RIMS1: variants seen among roughly 807,000 people sequenced by gnomAD.
RIMS1 encodes the protein regulating synaptic membrane exocytosis protein 1.
RIMS1 carries 83 observed loss-of-function variants against 214.1 expected under a neutral mutation model. The observed-to-expected ratio is 0.39, with a 90% CI of 0.32 to 0.47. The LOEUF is 0.47. Ranked by LOEUF, RIMS1 falls within the 20% of genes least tolerant of loss-of-function variation. The probability of loss-of-function intolerance (pLI) is 0.99; values close to 1 mark genes in which losing one functional copy is unlikely to be tolerated. For synonymous variants in RIMS1, 793 were observed against 786.8 expected (o/e 1.01, Z -0.13); for missense variants, 2,050 against 2,161.8 (o/e 0.95, Z 1.03).
intron 30 of RIMS1, 86 bp from the exon 31 acceptor site, chr6:72,392,612 C>A: frequency 2.2e-6 from 2 of 904,278 alleles, no homozygotes; most frequent in South Asian, 1.4e-5. Context: ...GTTTCATGAT[C>A]ATAATTAGTC....
intron 23 of RIMS1, among the ~76,000 whole-genome samples, chr6:72,279,927 C>T (rs938899301): frequency 6.6e-6 from 1 of 151,954 alleles, no homozygotes; most frequent in Non-Finnish European, 1.5e-5. Context: ...CATGTTAAAA[C>T]ATCCATTAGG....
At position 71,895,903 on chromosome 6, in the gene RIMS1, C is replaced by T. The variant is rs950707867; in HGVS notation, c.164+8716C>T. Among the ~76,000 whole-genome samples, 11 of 152,122 alleles carry T rather than the reference C, an allele frequency of 7.2e-5. No homozygotes were observed. The East Asian group carries it at 1.5e-3, about 21-fold the overall frequency. On this transcript the variant is annotated intron_variant, in intron 1 of 33. Transcript: ENST00000521978. ...TATCCAGGTCAGAAAGATTACTTAG[C>T]GTATTGGTAGAAAGAGATGAAAACA...
chr6:72,027,176 G>T (rs1294983216), intron 2 of RIMS1, among the ~76,000 whole-genome samples: 2 of 152,018 alleles, frequency 1.3e-5, no homozygotes, highest in Non-Finnish European at 2.9e-5. Flanking sequence ...GACCAAACTG[G>T]CATTCTTCTG....
intron 1 of RIMS1, among the ~76,000 whole-genome samples, chr6:71,902,655 T>C (rs977770434): frequency 6.6e-6 from 1 of 152,082 alleles, no homozygotes; most frequent in African/African-American, 2.4e-5. Context: ...CAGCATACTT[T>C]AGCTATTCTT....
chr6:71,893,317 T>C (rs931861797), intron 1 of RIMS1, among the ~76,000 whole-genome samples: 3 of 140,504 alleles, frequency 2.1e-5, no homozygotes, highest in African/African-American at 8.2e-5. Context: ...CTTTCTTTTC[T>C]TTTTTTTTTT....
At position 72,272,738 on chromosome 6, in the gene RIMS1, A is replaced by C. The variant is rs572204681; in HGVS notation, c.3399-1611A>C. 3.2e-4 allele frequency among the ~76,000 whole-genome samples: 48 copies of C among 152,242 alleles called. No homozygotes were observed. The South Asian group carries it at 9.7e-3, about 31-fold the overall frequency. On this transcript the variant is annotated intron_variant, in intron 22 of 33. Transcript: ENST00000521978. ...CAGTTAATATTGTTACTTCACAGAA[A>C]AATACTAAGTCTATATTTATGTTTC... is the stretch of plus-strand genomic sequence containing the variant.
chr6:72,216,579 G>GT (rs1305072305), intron 6 of RIMS1: 1 of 985,566 alleles, frequency 1.0e-6, no homozygotes, highest in Non-Finnish European at 1.2e-6. Context: ...GAAATGATCT[G>GT]TTACACAGGG....
At position 71,926,571 on chromosome 6, in the gene RIMS1, C is replaced by T. The variant is rs550215238; in HGVS notation, c.164+39384C>T. On this transcript the variant is annotated intron_variant, in intron 1 of 33. Transcript: ENST00000521978. The stretch of plus-strand genomic sequence containing the variant: ...CTCTGCTCAGCATTGTACAAACAAA[C>T]CCAAACTTGTCTCTCATTTCTTCAC... Among the ~76,000 whole-genome samples the T allele has an allele frequency of 2.1e-3, 326 of 152,214 alleles. 1 individual carries two copies. Among genetic ancestry groups the T allele is most frequent in the Non-Finnish European group, 2.6e-3 (176 of 68,002 alleles).
At chr6:71,995,295 G>T (rs1048837017) in intron 2 of RIMS1, among the ~76,000 whole-genome samples, 3 of 152,168 alleles carry the variant, frequency 2.0e-5, no homozygotes, top group African/African-American at 4.8e-5. Context: ...CAAATGTTAA[G>T]CTAGTTCCTC....
intron 6 of RIMS1, among the ~76,000 whole-genome samples, chr6:72,208,660 T>A (rs758143669): frequency 1.4e-4 from 21 of 152,190 alleles, no homozygotes; most frequent in Non-Finnish European, 1.6e-4. Context: ...AGGTAATGTG[T>A]AAGATCAGTC....
At chr6:72,383,631 A>AC (rs2098534116) in intron 29 of RIMS1, among the ~76,000 whole-genome samples, 1 of 149,452 alleles carries the variant, frequency 6.7e-6, no homozygotes, top group South Asian at 2.1e-4. Context: ...AAAAAAAAAA[A>AC]CTAAAACAAT....
chr6:72,005,347 G>T (rs532922586), intron 2 of RIMS1, among the ~76,000 whole-genome samples: 13 of 152,064 alleles, frequency 8.5e-5, no homozygotes, highest in Middle Eastern at 3.4e-3. Flanking sequence ...TTGACTTGGC[G>T]ATGCGGGCTC....
At chr6:72,347,931 G>A (rs145242430) in intron 29 of RIMS1, among the ~76,000 whole-genome samples, 16 of 151,958 alleles carry the variant, frequency 1.1e-4, no homozygotes, top group African/African-American at 3.9e-4. Context: ...TAAATCAAGG[G>A]TAATGACCAC....
At chr6:72,398,025 T>C (rs2098799560) in intron 31 of RIMS1, among the ~76,000 whole-genome samples, 1 of 152,074 alleles carries the variant, frequency 6.6e-6, no homozygotes, top group Admixed American at 6.6e-5. Context: ...AATTTGCAAA[T>C]CTCATAAGAG....
chr6:72,133,653 TCATCTACTCACTGACTG>T (rs1392849879), intron 4 of RIMS1, among the ~76,000 whole-genome samples: 18 of 152,302 alleles, frequency 1.2e-4, no homozygotes, highest in African/African-American at 3.8e-4. Context: ...AAATCTCAGC[TCATCTACTCACTGACTG>T]TGGATGACAC....
At chr6:72,030,024 C>T (rs1044314221) in intron 2 of RIMS1, among the ~76,000 whole-genome samples, 5 of 152,054 alleles carry the variant, frequency 3.3e-5, no homozygotes, top group Admixed American at 1.3e-4. Context: ...AGTAAGGACC[C>T]GAGATGCCAA....
At chr6:72,061,232 T>C (rs1348049246) in intron 2 of RIMS1, among the ~76,000 whole-genome samples, 3 of 152,224 alleles carry the variant, frequency 2.0e-5, no homozygotes, top group African/African-American at 4.8e-5. Flanking sequence ...TATATCTTTG[T>C]TGACATTATA....
intron 2 of RIMS1, among the ~76,000 whole-genome samples, chr6:72,079,726 A>G (rs1437968111): frequency 6.6e-6 from 1 of 152,020 alleles, no homozygotes; most frequent in South Asian, 2.1e-4. Context: ...TCTACAAAAA[A>G]ATTTAAAAAT....
Position 72,245,802 on chromosome 6 carries a change from C to G in RIMS1, c.2082-13C>G. 6.2e-7 allele frequency: 1 copy of G among 1,603,778 alleles called. No homozygotes were observed. Among genetic ancestry groups the G allele is most frequent in the Non-Finnish European group, 8.5e-7 (1 of 1,170,866 alleles). ...TAACTAATGGGATTTTCACCATATC[C>G]TGTTTCTTTTAGTGACATTCCCCGG... is the stretch of plus-strand genomic sequence containing the variant. On this transcript the variant is annotated splice_polypyrimidine_tract_variant and intron_variant, in intron 10 of 33. Transcript: ENST00000521978.
Sources: gnomAD v4.1 joint callset for allele counts (sites outside exome capture counted in the v4.1 genomes callset) on GRCh38, gnomAD v4.1.1 for gene constraint, MANE v1.5 for transcripts, NCBI Gene and HGNC (gene_info 2026-07-23, HGNC 2026-07-21) for gene names.